The following DPP10 variants were observed in gnomAD, a reference collection of about 807,000 sequenced individuals.
DPP10 encodes the protein inactive dipeptidyl peptidase 10.
Under a neutral mutation model 120.9 loss-of-function variants are expected in DPP10, and 33 were observed. The observed-to-expected ratio is 0.27, with a 90% CI of 0.21 to 0.37. The LOEUF (loss-of-function observed/expected upper bound fraction) is 0.37. Ranked by LOEUF, DPP10 falls within the 10% of genes least tolerant of loss-of-function variation. DPP10 has a pLI of 1.00. For missense variants in DPP10, 816 were observed against 942.8 expected (o/e 0.87, Z 1.76); for synonymous variants, 337 against 326.1 (o/e 1.03, Z -0.36).
At chr2:115,244,210 G>C (rs868592560) in intron 1 of DPP10, among the ~76,000 whole-genome samples, 3 of 91,356 alleles carry the variant, frequency 3.3e-5, no homozygotes, top group African/African-American at 1.4e-4. Flanking sequence ...ATATATATAT[G>C]TGTGTGTATA....
intron 3 of DPP10, among the ~76,000 whole-genome samples, chr2:115,415,452 T>C (rs1200324636): frequency 6.6e-6 from 1 of 152,074 alleles, no homozygotes; most frequent in Non-Finnish European, 1.5e-5. Context: ...GCCTCTGAAG[T>C]CCATCCTTTT....
intron 1 of DPP10, among the ~76,000 whole-genome samples, chr2:114,997,914 T>C (rs1331453401): frequency 1.3e-5 from 2 of 152,238 alleles, no homozygotes; most frequent in Non-Finnish European, 2.9e-5. Flanking sequence ...CACATATGTT[T>C]CCTATACACT....
intron 12 of DPP10, among the ~76,000 whole-genome samples, chr2:115,763,397 C>A (rs1680339455): frequency 6.6e-6 from 1 of 152,118 alleles, no homozygotes; most frequent in Non-Finnish European, 1.5e-5. Context: ...AAAGTAGCTT[C>A]ATACTCCCCA....
At chr2:114,915,057 G>A (rs2106635841) in intron 1 of DPP10, among the ~76,000 whole-genome samples, 1 of 152,218 alleles carries the variant, frequency 6.6e-6, no homozygotes, top group East Asian at 1.9e-4. Context: ...CGTGAACCCG[G>A]GAGGCGGAGC....
At chr2:115,333,428 A>T (rs1263139915) in intron 2 of DPP10, among the ~76,000 whole-genome samples, 2 of 152,086 alleles carry the variant, frequency 1.3e-5, no homozygotes, top group African/African-American at 2.4e-5. Context: ...TTTACATTTA[A>T]GGTTAATATT....
At chr2:115,588,377 A>C (rs1195372159) in intron 5 of DPP10, among the ~76,000 whole-genome samples, 9 of 152,320 alleles carry the variant, frequency 5.9e-5, no homozygotes, top group Admixed American at 3.3e-4. Flanking sequence ...AAAATCATTC[A>C]GTCTATTCAT....
intron 1 of DPP10, among the ~76,000 whole-genome samples, chr2:114,497,819 A>G (rs1054231450): frequency 6.6e-6 from 1 of 152,194 alleles, no homozygotes; most frequent in African/African-American, 2.4e-5. Context: ...CCAAGAAGCC[A>G]AAAGTACAGG....
chr2:115,029,365 T>C (rs1703687259), intron 1 of DPP10, among the ~76,000 whole-genome samples: 1 of 152,028 alleles, frequency 6.6e-6, no homozygotes, highest in African/African-American at 2.4e-5. Flanking sequence ...CTCATCACAA[T>C]TACAATATTA....
chr2:114,649,665 TATG>T (rs1696426135), intron 1 of DPP10, among the ~76,000 whole-genome samples: 1 of 152,158 alleles, frequency 6.6e-6, no homozygotes, highest in Non-Finnish European at 1.5e-5. Flanking sequence ...ACAATTAAAA[TATG>T]AAGCAATGAT....
At chr2:114,600,778 C>A (rs976881863) in intron 1 of DPP10, among the ~76,000 whole-genome samples, 2 of 151,862 alleles carry the variant, frequency 1.3e-5, no homozygotes, top group Admixed American at 1.3e-4. Flanking sequence ...TACACATGAT[C>A]ATGAAAAGCA....
In DPP10 at chr2:114,982,027, T is replaced by A. The variant is rs530963669; in HGVS notation, c.61-327212T>A. 1.6e-3 allele frequency among the ~76,000 whole-genome samples: 241 copies of A among 152,184 alleles called. 3 individuals carry two copies. Among genetic ancestry groups the A allele is most frequent in the African/African-American group, 5.4e-3 (224 of 41,516 alleles). ...CTCCCACCTCAGCCTCCTGAGTAGC[T>A]GGGACTACAGGCACACACCACCATG... On this transcript the variant is annotated intron_variant, in intron 1 of 25. Coordinates refer to ENST00000410059, the MANE Select transcript of DPP10 (RefSeq NM_020868.6).
chr2:115,420,987 G>A (rs898496466), intron 3 of DPP10, among the ~76,000 whole-genome samples: 14 of 152,032 alleles, frequency 9.2e-5, no homozygotes, highest in Admixed American at 1.3e-4. Flanking sequence ...GATATATTTC[G>A]TAATCTTTCT....
At chr2:114,981,859 G>A (rs954649873) in intron 1 of DPP10, among the ~76,000 whole-genome samples, 1 of 151,272 alleles carries the variant, frequency 6.6e-6, no homozygotes, top group African/African-American at 2.4e-5. Flanking sequence ...CTTCTCCTGG[G>A]TCACTGGGAT....
intron 1 of DPP10, among the ~76,000 whole-genome samples, chr2:115,114,261 T>G (rs928236392): frequency 4.6e-5 from 7 of 152,194 alleles, no homozygotes; most frequent in Admixed American, 1.3e-4. Context: ...TGCCTCAAAC[T>G]GCAATTGTTT....
rs116734906 is a variant in DPP10 at position 114,793,314 on chromosome 2, C to G, written c.60+350476C>G. ...CCTCCTCTAGTCCCCCACCCCCAGA[C>G]AAGCCCCAGTGCGTGATGTTCCCCT... is the stretch of plus-strand genomic sequence containing the variant. On this transcript the variant is annotated intron_variant, in intron 1 of 25. Coordinates refer to ENST00000410059, the MANE Select transcript of DPP10 (RefSeq NM_020868.6). Among the ~76,000 whole-genome samples, 358 of 152,174 alleles carry G rather than the reference C, an allele frequency of 2.4e-3. 1 individual carries two copies. Among genetic ancestry groups the G allele is most frequent in the African/African-American group, 8.4e-3 (347 of 41,522 alleles).
chr2:115,412,975 T>C (rs1365121093), intron 3 of DPP10, among the ~76,000 whole-genome samples: 1 of 152,162 alleles, frequency 6.6e-6, no homozygotes, highest in African/African-American at 2.4e-5. Context: ...AATTCCCCTT[T>C]AAATACTAAT....
At chr2:115,543,253 G>A (rs1380955943) in intron 5 of DPP10, among the ~76,000 whole-genome samples, 1 of 151,876 alleles carries the variant, frequency 6.6e-6, no homozygotes, top group African/African-American at 2.4e-5. Context: ...GGTCCATTTG[G>A]GCAGTTATGT....
intron 5 of DPP10, among the ~76,000 whole-genome samples, chr2:115,612,784 A>C (rs964685901): frequency 2.0e-5 from 3 of 152,166 alleles, no homozygotes; most frequent in Admixed American, 2.0e-4. Flanking sequence ...TATATATGTG[A>C]AATTACATAA....
intron 3 of DPP10, among the ~76,000 whole-genome samples, chr2:115,463,820 A>G (rs1196357404): frequency 6.6e-6 from 1 of 152,076 alleles, no homozygotes; most frequent in African/African-American, 2.4e-5. Context: ...TTGACTTCCT[A>G]ACCTCTTAGT....
Sources: gnomAD v4.1 joint callset for allele counts (sites outside exome capture counted in the v4.1 genomes callset) on GRCh38, gnomAD v4.1.1 for gene constraint, MANE v1.5 for transcripts, NCBI Gene and HGNC (gene_info 2026-07-23, HGNC 2026-07-21) for gene names.